NSMAF: variants seen among roughly 807,000 people sequenced by gnomAD.
NSMAF encodes protein FAN.
Under a neutral mutation model 134.9 loss-of-function variants are expected in NSMAF, and 90 were observed. The observed-to-expected ratio is 0.67, with a 90% confidence interval of 0.56 to 0.79. NSMAF has a LOEUF of 0.79. Ranked by LOEUF, NSMAF falls within the 30% of genes least tolerant of loss-of-function variation. The pLI, the probability that NSMAF is intolerant of heterozygous loss-of-function variation, is 0.00. For missense variants in NSMAF, 1,010 were observed against 1,119.0 expected (o/e 0.90, Z 1.39); for synonymous variants, 358 against 389.6 (o/e 0.92, Z 0.96).
intron 22 of NSMAF, 52 bp downstream of exon 22, chr8:58,595,508 C>G (rs1265287078): frequency 8.4e-6 from 11 of 1,317,334 alleles, no homozygotes. Flanking sequence ...TGCCAAGACC[C>G]TAACTTTTAC....
At chr8:58,594,547 C>G (rs554939433) in intron 22 of NSMAF, 1 of 444,342 alleles carries the variant, frequency 2.3e-6, no homozygotes, top group South Asian at 4.4e-5. Context: ...TTACATATTC[C>G]TGACAATTTC....
chr8:58,651,428 T>G (rs1035343411), intron 1 of NSMAF, among the ~76,000 whole-genome samples: 1 of 152,298 alleles, frequency 6.6e-6, no homozygotes, highest in African/African-American at 2.4e-5. Flanking sequence ...ATCACTCAGC[T>G]GGACTCTAGA....
intron 28 of NSMAF, chr8:58,586,239 G>A: frequency 1.6e-6 from 1 of 617,192 alleles, no homozygotes; most frequent in Non-Finnish European, 2.8e-6. Flanking sequence ...CTCTAATGAG[G>A]AATTAAAAAT....
chr8:58,655,368 A>G (rs1807679937), intron 1 of NSMAF, among the ~76,000 whole-genome samples: 1 of 151,674 alleles, frequency 6.6e-6, no homozygotes, highest in Non-Finnish European at 1.5e-5. Flanking sequence ...TGCCTACTTT[A>G]GTCTACTTCT....
intron 6 of NSMAF, among the ~76,000 whole-genome samples, chr8:58,624,192 C>T (rs1446142633): frequency 2.0e-5 from 3 of 151,966 alleles, no homozygotes; most frequent in African/African-American, 7.3e-5. Flanking sequence ...GAGGTGTGCA[C>T]CACCGCACCC....
intron 6 of NSMAF, among the ~76,000 whole-genome samples, chr8:58,626,699 GCTT>G (rs1309393388): frequency 3.3e-5 from 5 of 152,224 alleles, no homozygotes; most frequent in African/African-American, 1.2e-4. Context: ...TCACATAATG[GCTT>G]CTTTTTCTTT....
intron 1 of NSMAF, chr8:58,659,057 G>C (rs1322319478): frequency 5.6e-6 from 4 of 708,540 alleles, no homozygotes; most frequent in Non-Finnish European, 8.6e-6. Flanking sequence ...GCAGGAAAAA[G>C]GCGCGGCAAT....
At chr8:58,597,954 A>G (rs746739635) in intron 19 of NSMAF, 52 bp from the exon 20 acceptor site, 3 of 1,304,036 alleles carry the variant, frequency 2.3e-6, no homozygotes, top group Non-Finnish European at 2.2e-6. Flanking sequence ...TCAATGTAAT[A>G]TACACTGTTT....
intron 1 of NSMAF, 86 bp from the exon 2 acceptor site, chr8:58,643,159 AG>A: frequency 1.0e-6 from 1 of 967,888 alleles, no homozygotes; most frequent in African/African-American, 1.6e-5. Flanking sequence ...GATCCCAAAA[AG>A]CTTTTCCATT....
intron 12 of NSMAF, among the ~76,000 whole-genome samples, chr8:58,605,224 C>G (rs1276207760): frequency 6.6e-6 from 1 of 152,200 alleles, no homozygotes; most frequent in Non-Finnish European, 1.5e-5. Flanking sequence ...GAGGAAATAT[C>G]ATTAATTAAA....
chr8:58,591,109 A>T (rs1004977492), intron 23 of NSMAF, 175 bp from the exon 24 acceptor site: 2 of 592,356 alleles, frequency 3.4e-6, no homozygotes, highest in African/African-American at 3.8e-5. Context: ...CTCATCCAAC[A>T]TTAAGATTCT....
chr8:58,601,592 T>G, intron 14 of NSMAF, 57 bp from the exon 15 acceptor site: 1 of 1,537,834 alleles, frequency 6.5e-7, no homozygotes, highest in Non-Finnish European at 8.7e-7. Context: ...AAATAATAAC[T>G]GACAAGTAGA....
intron 9 of NSMAF, among the ~76,000 whole-genome samples, chr8:58,610,366 T>G (rs769094176): frequency 1.7e-4 from 26 of 152,288 alleles, no homozygotes; most frequent in Non-Finnish European, 3.1e-4. Context: ...ATCATCAACA[T>G]TTTAAGGCAA....
At chr8:58,624,313 C>A (rs1479328893) in intron 6 of NSMAF, among the ~76,000 whole-genome samples, 1 of 152,054 alleles carries the variant, frequency 6.6e-6, no homozygotes, top group Non-Finnish European at 1.5e-5. Context: ...TCCCACAGTG[C>A]TGGGATTACA....
intron 1 of NSMAF, among the ~76,000 whole-genome samples, chr8:58,648,940 T>C (rs78848156): frequency 0.027 from 4,098 of 152,282 alleles, 204 homozygotes; most frequent in African/African-American, 0.093. Flanking sequence ...AGTCCCCATA[T>C]ATAGTCCCCA....
intron 10 of NSMAF, among the ~76,000 whole-genome samples, chr8:58,608,648 C>T (rs1806459769): frequency 1.3e-5 from 2 of 152,080 alleles, no homozygotes; most frequent in African/African-American, 2.4e-5. Flanking sequence ...AATTTCTGAC[C>T]CAAGCAATAG....
At chr8:58,635,424 A>G (rs746845114) in intron 3 of NSMAF, 44 bp downstream of exon 3, 4 of 1,571,672 alleles carry the variant, frequency 2.5e-6, no homozygotes, top group Non-Finnish European at 2.6e-6. Flanking sequence ...TAAGACATAC[A>G]CAAAAAATAG....
At chr8:58,657,130 C>T (rs1803120409) in intron 1 of NSMAF, among the ~76,000 whole-genome samples, 1 of 152,204 alleles carries the variant, frequency 6.6e-6, no homozygotes, top group African/African-American at 2.4e-5. Context: ...CATCCACTTT[C>T]CTCCATTTAT....
chr8:58,593,729 AG>A (rs1375639902), intron 23 of NSMAF, among the ~76,000 whole-genome samples: 2 of 152,236 alleles, frequency 1.3e-5, no homozygotes, highest in Non-Finnish European at 2.9e-5. Flanking sequence ...ACACACTGCA[AG>A]GGTTTTTATA....
Sources: allele counts gnomAD v4.1 joint callset (sites outside exome capture counted in the v4.1 genomes callset), GRCh38; gene constraint gnomAD v4.1.1; transcripts MANE v1.5; gene names NCBI Gene and HGNC (gene_info 2026-07-23, HGNC 2026-07-21).